Variants in CEP20 observed in about 807,000 individuals in gnomAD.
CEP20 encodes centrosomal protein 20, also known as FGFR1OP N-terminal like.
A neutral mutation model predicts 20.0 loss-of-function variants in CEP20; 18 were observed. The observed-to-expected ratio is 0.90, with a 90% CI of 0.62 to 1.34. CEP20 has a LOEUF of 1.34. CEP20 is among the 40% of genes most tolerant of loss of function. CEP20 has a pLI of 0.00. For synonymous variants in CEP20, 77 were observed against 73.7 expected, an observed-to-expected ratio of 1.04 and a Z score of -0.23; for missense variants, 215 against 201.6, an observed-to-expected ratio of 1.07 and a Z score of -0.40.
chr16:15,888,431 C>T, intron 1 of CEP20, 127 bp downstream of exon 1: 1 of 1,293,268 alleles, frequency 7.7e-7, no homozygotes, highest in South Asian at 1.3e-5. Context: ...CCCGCAGGCC[C>T]TCACACCGAA....
chr16:15,878,771 C>T (rs2045021036), intron 3 of CEP20, among the ~76,000 whole-genome samples: 1 of 152,066 alleles, frequency 6.6e-6, no homozygotes, highest in Admixed American at 6.6e-5. Context: ...AGTGCTGGGA[C>T]TACAGGCATG....
At chr16:15,886,041 G>C (rs2045238209) in intron 1 of CEP20, 1 of 152,208 alleles carries the variant, frequency 6.6e-6, no homozygotes. Context: ...CAAGAACAGA[G>C]CAAGAGCTCA....
At position 15,884,124 on chromosome 16, in the gene CEP20, T is replaced by A; in HGVS notation, c.110A>T (p.Asp37Val). ...TGATGGTCGGGGTTCACGGTCATCA[T>A]CTAGGGCATTGAAAACTTCAGCTCG... Reference protein sequence around the residue: ...RIRAEVFNALDDDREPRPSLS... With the variant: ...RIRAEVFNALVDDREPRPSLS... The change falls in exon 2 of 5, where the codon GAT becomes GTT. Residue 37 changes from aspartate to valine, a missense_variant. Transcript: ENST00000255759. 1 of 1,614,198 alleles carries A rather than the reference T, an allele frequency of 6.2e-7. No homozygotes were observed. Among genetic ancestry groups the A allele is most frequent in the Non-Finnish European group, 8.5e-7 (1 of 1,180,018 alleles).
rs1421077276 is a variant in CEP20 at position 15,873,512 on chromosome 16, G to T, written c.427C>A (p.Pro143Thr). ...ATACCCATTGGCTTTCTTCTACTAG[G>T]TTGTCTGCCAAGACTTGGGTCTGAA... ...QPSDPSLGRQ[P>T]SRRKPMDDHL... Residue 143 changes from proline (P) to threonine (T), a missense_variant, in exon 4 of 5, where the codon CCT (proline) becomes ACT (threonine). Pro to Thr is a conservative substitution (Grantham distance 38). Coordinates refer to ENST00000255759, the MANE Select transcript of CEP20 (RefSeq NM_144600.4). 6.2e-7 allele frequency: 1 copy of T among 1,609,504 alleles called. No homozygotes were observed. The highest frequency in any genetic ancestry group is 8.5e-7 in the Non-Finnish European group (1 of 1,177,298).
chr16:15,868,256 C>G (rs905224112), intron 4 of CEP20, among the ~76,000 whole-genome samples: 1 of 151,914 alleles, frequency 6.6e-6, no homozygotes, highest in Non-Finnish European at 1.5e-5. Flanking sequence ...GACCCTGTCT[C>G]TACTAAAAAT....
At chr16:15,885,039 G>T (rs1029651510) in intron 1 of CEP20, 3 of 151,956 alleles carry the variant, frequency 2.0e-5, no homozygotes, top group Admixed American at 2.0e-4. Flanking sequence ...GGGCATGGTG[G>T]CTCATGCCTG....
Position 15,867,403 on chromosome 16 carries a change from A to C in CEP20, c.*37T>G, listed in dbSNP as rs2044705865. ...CAATAAATAAGTTATTTAATTAATA[A>C]TACAATTTTAAGACAAAAGATACCC... On this transcript the variant is annotated 3_prime_UTR_variant, in exon 5 of 5. Coordinates refer to ENST00000255759, the MANE Select transcript of CEP20 (RefSeq NM_144600.4). 1 of 1,476,380 alleles carries C rather than the reference A, an allele frequency of 6.8e-7. No individual in the cohort carries two copies. The highest frequency in any genetic ancestry group is 9.2e-7 in the Non-Finnish European group (1 of 1,083,230). 91.5% of individuals were successfully genotyped at this position (1,476,380 alleles called of 1,614,324 possible).
At position 15,884,026 on chromosome 16, in the gene CEP20, C is replaced by T. The variant is rs769305675; in HGVS notation, c.208G>A (p.Ala70Thr). The change falls in exon 2 of 5, where the codon GCA becomes ACA. Residue 70 changes from alanine to threonine, a missense_variant. Ala to Thr is a moderately conservative substitution (Grantham distance 58). Coordinates refer to ENST00000255759, the MANE Select transcript of CEP20 (RefSeq NM_144600.4). ...YLEFNKYKYT[A>T]SVLIAESGQP... is the part of the protein sequence containing the mutation. ...CACTTACCTGCTATGAGGACAGATG[C>T]TGTATACTTATATTTGTTGAATTCT... 8.7e-6 allele frequency: 14 copies of T among 1,612,422 alleles called. No homozygotes were observed. The highest frequency in any genetic ancestry group is 5.0e-5 in the Admixed American group (3 of 59,970).
At chr16:15,871,033 G>C (rs192187764) in intron 4 of CEP20, among the ~76,000 whole-genome samples, 1 of 151,984 alleles carries the variant, frequency 6.6e-6, no homozygotes, top group Non-Finnish European at 1.5e-5. Flanking sequence ...GAGGCCAAGG[G>C]GGGTGGATTG....
At chr16:15,886,521 T>C (rs1342457099) in intron 1 of CEP20, among the ~76,000 whole-genome samples, 1 of 152,164 alleles carries the variant, frequency 6.6e-6, no homozygotes, top group Non-Finnish European at 1.5e-5. Context: ...TTACTCTGTA[T>C]TGCACACAGG....
At chr16:15,886,176 A>G (rs2045242515) in intron 1 of CEP20, 1 of 152,250 alleles carries the variant, frequency 6.6e-6, no homozygotes, top group South Asian at 2.1e-4. Context: ...AAAAATCCAT[A>G]AAGAGAGCCC....
intron 3 of CEP20, among the ~76,000 whole-genome samples, chr16:15,876,209 G>A: frequency 6.7e-6 from 1 of 150,176 alleles, no homozygotes; most frequent in South Asian, 2.1e-4. Flanking sequence ...TTGGGCCGAT[G>A]GCTCACACCT....
intron 2 of CEP20, among the ~76,000 whole-genome samples, chr16:15,881,299 T>G (rs1567240485): frequency 6.6e-6 from 1 of 152,190 alleles, no homozygotes; most frequent in Non-Finnish European, 1.5e-5. Flanking sequence ...GTCACTATAT[T>G]TCATTCTAGT....
chr16:15,885,418 A>C (rs1002598837), intron 1 of CEP20, among the ~76,000 whole-genome samples: 4 of 152,076 alleles, frequency 2.6e-5, no homozygotes, highest in Non-Finnish European at 5.9e-5. Context: ...ATTTTGAAAC[A>C]ATCTCGCTCT....
intron 4 of CEP20, among the ~76,000 whole-genome samples, chr16:15,872,980 AT>A (rs988211884): frequency 2.0e-5 from 3 of 152,090 alleles, no homozygotes; most frequent in South Asian, 2.1e-4. Context: ...AGGAAAAAAA[AT>A]AATCACTTGA....
At chr16:15,870,494 G>A (rs1448061482) in intron 4 of CEP20, among the ~76,000 whole-genome samples, 3 of 152,082 alleles carry the variant, frequency 2.0e-5, no homozygotes, top group Non-Finnish European at 4.4e-5. Flanking sequence ...CAAGAGAAAC[G>A]TGTAGACAAA....
Position 15,882,784 on chromosome 16 carries a change from T to TACACACACACACACACACAC in CEP20, c.226+1223_226+1224insGTGTGTGTGTGTGTGTGTGT, listed in dbSNP as rs71388769. Reference sequence around the variant, plus strand: ...CTATCTATCTATCTATCTATCTAGATACACACACACACACACACAAATAGA... The same window carrying TACACACACACACACACACAC: ...CTATCTATCTATCTATCTATCTAGATACACACACACACACACACACACACACACACACACACACAAATAGA... On this transcript the variant is annotated intron_variant, in intron 2 of 4. Coordinates refer to ENST00000255759, the MANE Select transcript of CEP20 (RefSeq NM_144600.4). Among the ~76,000 whole-genome samples, 12 of 149,866 alleles carry TACACACACACACACACACAC rather than the reference T, an allele frequency of 8.0e-5. No individual in the cohort carries two copies. In the East Asian group the frequency reaches 2.4e-3, roughly 30 times the overall value.
intron 4 of CEP20, among the ~76,000 whole-genome samples, chr16:15,868,858 A>G (rs1167215755): frequency 6.6e-6 from 1 of 152,164 alleles, no homozygotes; most frequent in Non-Finnish European, 1.5e-5. Context: ...TAGATGTGCA[A>G]TAAAGTTAAG....
At chr16:15,867,898 G>A (rs138819042) in intron 4 of CEP20, among the ~76,000 whole-genome samples, 1,795 of 150,288 alleles carry the variant, frequency 0.012, 39 homozygotes, top group African/African-American at 0.039. Context: ...GCTTGAACCT[G>A]GGAGGCAGAA....
Sources: allele counts gnomAD v4.1 joint callset (sites outside exome capture counted in the v4.1 genomes callset), GRCh38; gene constraint gnomAD v4.1.1; transcripts MANE v1.5; gene names NCBI Gene and HGNC (gene_info 2026-07-23, HGNC 2026-07-21).